The following UNC5D variants were observed in gnomAD, a reference collection of about 807,000 sequenced individuals.
UNC5D encodes the protein unc-5 netrin receptor D, also known as netrin receptor UNC5D.
A neutral mutation model predicts 105.4 loss-of-function variants in UNC5D; 39 were observed. The observed-to-expected ratio is 0.37, with a 90% CI of 0.29 to 0.48. The LOEUF (loss-of-function observed/expected upper bound fraction) is 0.48. UNC5D is among the 20% of genes least tolerant of loss of function. UNC5D has a pLI of 0.98. For missense variants in UNC5D, 991 were observed against 1,202.4 expected (o/e 0.82, Z 2.60); for synonymous variants, 452 against 450.4 (o/e 1.00, Z -0.04).
intron 1 of UNC5D, among the ~76,000 whole-genome samples, chr8:35,422,489 G>T (rs1805983729): frequency 6.6e-6 from 1 of 152,168 alleles, no homozygotes; most frequent in African/African-American, 2.4e-5. Context: ...CCACTCATTG[G>T]ATTCAATCAC....
At position 35,405,948 on chromosome 8, in the gene UNC5D, G is replaced by A. The variant is rs142677071; in HGVS notation, c.104-143344G>A. Among the ~76,000 whole-genome samples, 216 of 152,230 alleles carry A rather than the reference G, an allele frequency of 1.4e-3. 5 individuals are homozygous for A. In the East Asian group the frequency reaches 0.039, roughly 27 times the overall value. ...GATTTAGCTGTATTCTAGGTTTGCA[G>A]ACTTAAATGGACTAAAGGGAAGGAA... On this transcript the variant is annotated intron_variant, in intron 1 of 16. Transcript: ENST00000404895.
At chr8:35,748,775 C>T in intron 12 of UNC5D, 80 bp downstream of exon 12, 1 of 1,456,906 alleles carries the variant, frequency 6.9e-7, no homozygotes. Flanking sequence ...ACATCTAACA[C>T]CACAAATCAG....
In UNC5D at chr8:35,551,190, T is replaced by A. The variant is rs545059481; in HGVS notation, c.322+1680T>A. Among the ~76,000 whole-genome samples, 3 of 152,010 alleles carry A rather than the reference T, an allele frequency of 2.0e-5. 1 individual carries two copies. The South Asian group carries it at 6.2e-4, about 32-fold the overall frequency. ...AGCTAAGAGACATGGATAATTCAGG[T>A]GAGAGAAGGTAAGAACTGGTTCAAG... On this transcript the variant is annotated intron_variant, in intron 2 of 16. Transcript: ENST00000404895.
chr8:35,599,454 T>G (rs1182210218), intron 4 of UNC5D, among the ~76,000 whole-genome samples: 1 of 152,168 alleles, frequency 6.6e-6, no homozygotes, highest in Non-Finnish European at 1.5e-5. Flanking sequence ...CACACATATT[T>G]CAAAACATGT....
intron 7 of UNC5D, among the ~76,000 whole-genome samples, chr8:35,696,124 A>G (rs1004232992): frequency 2.0e-5 from 3 of 152,138 alleles, no homozygotes; most frequent in African/African-American, 7.2e-5. Context: ...GCATTACTAG[A>G]CTGTACTAGA....
chr8:35,644,952 T>A (rs1257697601), intron 4 of UNC5D, among the ~76,000 whole-genome samples: 2 of 152,212 alleles, frequency 1.3e-5, no homozygotes, highest in Non-Finnish European at 2.9e-5. Context: ...GATATAATCA[T>A]GTCTAGGGAC....
intron 1 of UNC5D, among the ~76,000 whole-genome samples, chr8:35,419,008 T>G (rs1165620456): frequency 1.3e-5 from 2 of 152,142 alleles, no homozygotes; most frequent in Non-Finnish European, 2.9e-5. Context: ...ACTGTTAAGG[T>G]GCAATAGCAG....
At chr8:35,356,800 TGA>T (rs1276620713) in intron 1 of UNC5D, among the ~76,000 whole-genome samples, 3 of 152,032 alleles carry the variant, frequency 2.0e-5, no homozygotes, top group Non-Finnish European at 4.4e-5. Context: ...TGTGATAATG[TGA>T]GAGTCGGTCT....
intron 1 of UNC5D, among the ~76,000 whole-genome samples, chr8:35,534,009 G>C (rs1814637541): frequency 6.7e-6 from 1 of 148,362 alleles, no homozygotes; most frequent in African/African-American, 2.5e-5. Flanking sequence ...CCCGTCTTCT[G>C]CGTCGCTCAC....
intron 16 of UNC5D, among the ~76,000 whole-genome samples, chr8:35,785,009 T>C (rs1376624770): frequency 6.6e-6 from 1 of 152,116 alleles, no homozygotes; most frequent in Non-Finnish European, 1.5e-5. Context: ...TTCAGGCATC[T>C]GTCTGAATAT....
intron 1 of UNC5D, among the ~76,000 whole-genome samples, chr8:35,311,723 G>T (rs1417402303): frequency 1.3e-5 from 2 of 152,098 alleles, no homozygotes; most frequent in Admixed American, 6.6e-5. Flanking sequence ...GCAGCAACTT[G>T]CAAGGGAAGT....
intron 1 of UNC5D, among the ~76,000 whole-genome samples, chr8:35,504,165 G>A (rs1223312950): frequency 3.3e-5 from 5 of 152,124 alleles, no homozygotes; most frequent in Non-Finnish European, 7.3e-5. Context: ...TGAGAGTGAA[G>A]CAAAAACCAT....
chr8:35,775,335 G>A (rs1213479394), intron 16 of UNC5D, among the ~76,000 whole-genome samples: 2 of 152,206 alleles, frequency 1.3e-5, no homozygotes, highest in Non-Finnish European at 2.9e-5. Context: ...AACTGACACT[G>A]CTCATTACTG....
chr8:35,737,604 C>T (rs1050702493), intron 11 of UNC5D, among the ~76,000 whole-genome samples: 2 of 152,058 alleles, frequency 1.3e-5, no homozygotes, highest in Admixed American at 6.6e-5. Context: ...AGCATGTGAC[C>T]GTAATCTCAT....
At chr8:35,424,931 G>A (rs954259632) in intron 1 of UNC5D, among the ~76,000 whole-genome samples, 2 of 152,212 alleles carry the variant, frequency 1.3e-5, no homozygotes, top group African/African-American at 2.4e-5. Context: ...AGCTGTGGTT[G>A]TGGGATAGTG....
chr8:35,402,542 C>A (rs1180769585), intron 1 of UNC5D, among the ~76,000 whole-genome samples: 2 of 152,018 alleles, frequency 1.3e-5, no homozygotes, highest in African/African-American at 4.8e-5. Context: ...GGGACACAGC[C>A]AAATCATATC....
chr8:35,649,503 T>C (rs1823274574), intron 4 of UNC5D, among the ~76,000 whole-genome samples: 1 of 152,212 alleles, frequency 6.6e-6, no homozygotes, highest in African/African-American at 2.4e-5. Flanking sequence ...GTCTGGACTC[T>C]AACGATTAAT....
Position 35,285,505 on chromosome 8 carries a change from A to T in UNC5D, c.103+49618A>T, listed in dbSNP as rs1358631553. 2.6e-5 allele frequency among the ~76,000 whole-genome samples: 4 copies of T among 152,238 alleles called. 1 individual carries two copies. The highest frequency in any genetic ancestry group is 4.4e-5 in the Non-Finnish European group (3 of 68,046). ...TAAATTTTCTTCAAGGTGGTGATAGATGAATCCAAGTAAGCTTTCTGGGTA... is the reference window on the plus strand; with the variant it reads ...TAAATTTTCTTCAAGGTGGTGATAGTTGAATCCAAGTAAGCTTTCTGGGTA... On this transcript the variant is annotated intron_variant, in intron 1 of 16. Coordinates refer to ENST00000404895, the MANE Select transcript of UNC5D (RefSeq NM_080872.4).
intron 1 of UNC5D, among the ~76,000 whole-genome samples, chr8:35,285,983 T>A (rs1430313310): frequency 2.0e-5 from 3 of 152,178 alleles, no homozygotes; most frequent in Non-Finnish European, 4.4e-5. Context: ...TTTGTGAGTA[T>A]GTCATTTTTT....
Sources: allele counts gnomAD v4.1 joint callset (sites outside exome capture counted in the v4.1 genomes callset), GRCh38; gene constraint gnomAD v4.1.1; transcripts MANE v1.5; gene names NCBI Gene and HGNC (gene_info 2026-07-23, HGNC 2026-07-21).